Variants in ELMO2 observed in about 807,000 individuals in gnomAD.
ELMO2 encodes the protein engulfment and cell motility protein 2.
Under a neutral mutation model 96.2 loss-of-function variants are expected in ELMO2, and 37 were observed. The observed-to-expected ratio is 0.38, with a 90% CI of 0.30 to 0.51. ELMO2 has a LOEUF of 0.51. Among genes scored for constraint, ELMO2 ranks in the 20% least tolerant of loss-of-function variants. The pLI, the probability that ELMO2 is intolerant of heterozygous loss-of-function variation, is 0.88. For missense variants in ELMO2, 561 were observed against 912.6 expected (o/e 0.61, Z 4.96); for synonymous variants, 315 against 329.4 (o/e 0.96, Z 0.47).
rs142132720 is a variant in ELMO2 at position 46,371,649 on chromosome 20, G to T, written c.1623C>A (p.Ile541=). ...AGAGCCGGTTCAGGCGCTGCTGCTT[G>T]ATCAGCTCAAGGATCTCGGGCTGGA... The part of the protein sequence containing the change: ...EKIQPEILEL[I]KQQRLNRLCE... Residue 541 remains isoleucine (I), a synonymous_variant, in exon 18 of 22, where the codon ATC becomes ATA. Coordinates refer to ENST00000290246, the MANE Select transcript of ELMO2 (RefSeq NM_133171.5). This position sits in a 1 kb window ranked among gnomAD's most constrained non-coding sequence, Gnocchi z 5.9. 2 of 1,612,982 alleles carry T rather than the reference G, an allele frequency of 1.2e-6. No individual in the cohort carries two copies. The highest frequency in any genetic ancestry group is 2.7e-5 in the African/African-American group (2 of 74,876).
rs2059849454 is a variant in ELMO2, at chr20:46,375,815, A to C, written c.808-25T>G. ...GCTAGAAAAAGCACAGGCAGGGAGC[A>C]GGGGACTGAACTGATCTCTTTTAAT... On this transcript the variant is annotated intron_variant, in intron 11 of 21. Transcript: ENST00000290246. This position sits in a 1 kb window ranked among gnomAD's most constrained non-coding sequence, Gnocchi z 4.6. The C allele has an allele frequency of 1.2e-6, 2 of 1,613,902 alleles. No individual in the cohort carries two copies. Among genetic ancestry groups the C allele is most frequent in the Admixed American group, 1.7e-5 (1 of 60,022 alleles).
At chr20:46,393,962 G>A (rs2060201933) in intron 4 of ELMO2, 87 bp downstream of exon 4, 1 of 1,584,170 alleles carries the variant, frequency 6.3e-7, no homozygotes, top group Non-Finnish European at 8.6e-7. Context: ...CCTAACTGGA[G>A]ATCCTTCCCA....
At chr20:46,393,866 G>T (rs1446985731) in intron 4 of ELMO2, 183 bp downstream of exon 4, 7 of 862,660 alleles carry the variant, frequency 8.1e-6, no homozygotes, top group Non-Finnish European at 1.2e-5. Context: ...AAAAAATTAA[G>T]AAGTATAAAC....
chr20:46,377,879 C>A (rs549135863), intron 11 of ELMO2, among the ~76,000 whole-genome samples: 1 of 152,172 alleles, frequency 6.6e-6, no homozygotes, highest in African/African-American at 2.4e-5. Flanking sequence ...CCACTCCCCC[C>A]AGTCTCTCTC....
At chr20:46,386,843 G>A (rs1009497207) in intron 8 of ELMO2, among the ~76,000 whole-genome samples, 4 of 152,128 alleles carry the variant, frequency 2.6e-5, no homozygotes, top group African/African-American at 9.7e-5. Flanking sequence ...TCAGTATTCT[G>A]AATTGACACT....
At chr20:46,385,710 CAG>C (rs973824295) in intron 9 of ELMO2, among the ~76,000 whole-genome samples, 8 of 152,210 alleles carry the variant, frequency 5.3e-5, no homozygotes, top group African/African-American at 9.7e-5. Flanking sequence ...TAAATCAAAA[CAG>C]GGGATACAAC....
In ELMO2 at chr20:46,367,574, G is replaced by A. The variant is rs1357107371; in HGVS notation, c.1963-14C>T. ...CCAGATGCAGTACTGTGGGGAGCAA[G>A]TTGCAAAATGTCACATCGTGACCCC... On this transcript the variant is annotated splice_polypyrimidine_tract_variant and intron_variant, in intron 21 of 21. Transcript: ENST00000290246. 9 of 1,588,918 alleles carry A rather than the reference G, an allele frequency of 5.7e-6. No homozygotes were observed. The highest frequency in any genetic ancestry group is 7.7e-6 in the Non-Finnish European group (9 of 1,168,694).
At chr20:46,389,711 T>C (rs949010381) in intron 6 of ELMO2, among the ~76,000 whole-genome samples, 1 of 152,056 alleles carries the variant, frequency 6.6e-6, no homozygotes, top group African/African-American at 2.4e-5. Context: ...GAGCCAGGTG[T>C]GGTGGTGCAC....
At chr20:46,402,243 A>G (rs1053571943) in intron 1 of ELMO2, among the ~76,000 whole-genome samples, 1 of 147,208 alleles carries the variant, frequency 6.8e-6, no homozygotes, top group African/African-American at 2.7e-5. Context: ...CTATTCCCCC[A>G]TCTACTCTTC....
intron 20 of ELMO2, 30 bp from the exon 21 acceptor site, chr20:46,368,998 A>G: frequency 3.1e-6 from 5 of 1,607,996 alleles, no homozygotes; most frequent in Non-Finnish European, 4.3e-6. Context: ...AATTAGAGCG[A>G]TGGAACAGCC....
At chr20:46,390,262 G>A in intron 6 of ELMO2, among the ~76,000 whole-genome samples, 1 of 152,212 alleles carries the variant, frequency 6.6e-6, no homozygotes, top group African/African-American at 2.4e-5. Context: ...AGGAGAATCT[G>A]GACAACCACC....
intron 7 of ELMO2, 194 bp from the exon 8 acceptor site, chr20:46,387,631 G>C (rs1285756758): frequency 1.1e-4 from 4 of 36,960 alleles, no homozygotes; most frequent in Non-Finnish European, 1.8e-4. Flanking sequence ...ATCTATCGCT[G>C]CAAAAAAAAA....
At position 46,377,342 on chromosome 20, in the gene ELMO2, T is replaced by A. The variant is rs192536289; in HGVS notation, c.808-1552A>T. Among the ~76,000 whole-genome samples, 617 of 152,358 alleles carry A rather than the reference T, an allele frequency of 4.0e-3. 7 individuals are homozygous for A. The highest frequency in any genetic ancestry group is 4.3e-3 in the Non-Finnish European group (292 of 68,032). On this transcript the variant is annotated intron_variant, in intron 11 of 21. Transcript: ENST00000290246. ...GGCTGAATAAAATATATTATTGAAC[T>A]TAATGTCCCTATTCCTTTTTCATGC...
chr20:46,387,880 TA>T (rs2060077559), intron 7 of ELMO2: 2 of 153,584 alleles, frequency 1.3e-5, no homozygotes, highest in Non-Finnish European at 2.9e-5. Flanking sequence ...AAGCAAATTT[TA>T]TCTTTTCAAA....
intron 3 of ELMO2, 82 bp from the exon 4 acceptor site, chr20:46,394,171 G>A (rs1252952898): frequency 3.0e-6 from 4 of 1,312,912 alleles, no homozygotes; most frequent in Middle Eastern, 3.6e-4. Context: ...TGCCAAGCAG[G>A]GTCAAGCTGG....
At chr20:46,372,039 C>T in intron 16 of ELMO2, 70 bp from the exon 17 acceptor site, 1 of 1,592,272 alleles carries the variant, frequency 6.3e-7, no homozygotes, top group South Asian at 1.1e-5. Flanking sequence ...TTATGGAGCA[C>T]CAAGGCTCTT....
chr20:46,373,189 T>G (rs2059765902), intron 16 of ELMO2: 1 of 597,390 alleles, frequency 1.7e-6, no homozygotes, highest in Admixed American at 3.1e-5. Flanking sequence ...AATGAGGGCC[T>G]ACGGCACCAA....
chr20:46,369,172 G>A, intron 20 of ELMO2: 1 of 524,912 alleles, frequency 1.9e-6, no homozygotes, highest in Non-Finnish European at 3.4e-6. Context: ...CCCTGCCCAA[G>A]TCACATCAAA....
At chr20:46,392,322 A>G (rs541230334) in intron 6 of ELMO2, among the ~76,000 whole-genome samples, 2 of 152,056 alleles carry the variant, frequency 1.3e-5, no homozygotes, top group East Asian at 1.9e-4. Flanking sequence ...CACATCTAGC[A>G]TATCACCATA....
Sources: gnomAD v4.1 joint callset for allele counts (sites outside exome capture counted in the v4.1 genomes callset) on GRCh38, gnomAD v4.1.1 for gene constraint, Gnocchi (gnomAD v3.1) non-coding constraint, MANE v1.5 for transcripts, NCBI Gene and HGNC (gene_info 2026-07-23, HGNC 2026-07-21) for gene names.